Variants in ANO1 observed in about 807,000 individuals in gnomAD.
The protein encoded by ANO1 is anoctamin-1.
In ANO1, 59 loss-of-function variants were observed where a neutral mutation model predicts 124.0. That is an observed-to-expected ratio of 0.48 (90% confidence interval 0.39 to 0.59). The LOEUF is 0.59. ANO1 is among the 20% of genes least tolerant of loss of function. The probability of loss-of-function intolerance (pLI) is 0.00; values close to 1 mark genes in which losing one functional copy is unlikely to be tolerated. For synonymous variants in ANO1, 529 were observed against 532.0 expected (o/e 0.99, Z 0.08); for missense variants, 1,059 against 1,328.0 (o/e 0.80, Z 3.15).
intron 16 of ANO1, among the ~76,000 whole-genome samples, chr11:70,158,354 C>T (rs1013279616): frequency 1.3e-5 from 2 of 152,196 alleles, no homozygotes; most frequent in East Asian, 1.9e-4. Context: ...TTGAAGGCAG[C>T]GCCTCCTGTG....
upstream of ANO1, among the ~76,000 whole-genome samples, chr11:69,985,679 T>C (rs954895401): frequency 2.6e-5 from 4 of 152,196 alleles, no homozygotes; most frequent in South Asian, 6.2e-4. Flanking sequence ...CCCCAACTGA[T>C]AAGACGGTCT....
At position 70,098,252 on chromosome 11, in the gene ANO1, G is replaced by A. The variant is rs558834327; in HGVS notation, c.442-4814G>A. ...CTGAGGAAGCTGCAAACAGGGAAACGGGGATTTGTCCAGGTGTTCTGTGGG... is the reference window on the plus strand; with the variant it reads ...CTGAGGAAGCTGCAAACAGGGAAACAGGGATTTGTCCAGGTGTTCTGTGGG... On this transcript the variant is annotated intron_variant, in intron 2 of 25. Transcript: ENST00000355303. Among the ~76,000 whole-genome samples, 6 of 152,354 alleles carry A rather than the reference G, an allele frequency of 3.9e-5. No homozygotes were observed. In the South Asian group the frequency reaches 6.2e-4, roughly 16 times the overall value.
chr11:70,105,120 C>T (rs914695828), intron 4 of ANO1, among the ~76,000 whole-genome samples: 2 of 152,086 alleles, frequency 1.3e-5, no homozygotes, highest in Admixed American at 6.5e-5. Context: ...ACTCTGTCAG[C>T]CCTGCTGCCT....
At chr11:70,050,707 A>C (rs1857338862) in intron 1 of ANO1, among the ~76,000 whole-genome samples, 1 of 152,164 alleles carries the variant, frequency 6.6e-6, no homozygotes, top group South Asian at 2.1e-4. Flanking sequence ...AGTTCCCCTC[A>C]GGAGTAGTTA....
chr11:70,057,434 T>TTGTGTGTGTG lies in ANO1; in HGVS notation c.59-21093_59-21084dup, dbSNP rs142366013. 3.0e-3 allele frequency among the ~76,000 whole-genome samples: 444 copies of TTGTGTGTGTG among 149,918 alleles called. 2 individuals carry two copies. Among genetic ancestry groups the TTGTGTGTGTG allele is most frequent in the East Asian group, 0.017 (85 of 5,066 alleles). On this transcript the variant is annotated intron_variant, in intron 1 of 27. Coordinates refer to the ANO1 transcript ENST00000531349. ...CCTTAGAGTACCCTGAACTCCAATT[T>TTGTGTGTGTG]TGTGTGTGTGTGTGTGTGTGTGTGA...
chr11:70,021,702 A>G (rs4980580), intron 1 of ANO1, among the ~76,000 whole-genome samples: 117,072 of 151,898 alleles, frequency 0.77, 45,441 homozygotes, highest in East Asian at 0.94. Context: ...GTTAAACATC[A>G]GCCCAAGGCT....
intron 7 of ANO1, among the ~76,000 whole-genome samples, chr11:70,112,992 G>GTCA (rs1018985543): frequency 2.0e-5 from 3 of 152,148 alleles, no homozygotes; most frequent in Admixed American, 6.5e-5. Context: ...TCTGCTGCCC[G>GTCA]TCACCTCGTC....
chr11:69,996,836 A>C (rs1220002690), intron 1 of ANO1, among the ~76,000 whole-genome samples: 2 of 152,220 alleles, frequency 1.3e-5, no homozygotes, highest in Non-Finnish European at 2.9e-5. Flanking sequence ...CAGATCTAGC[A>C]CCTAAGTGTT....
the ANO1 span, among the ~76,000 whole-genome samples, chr11:69,976,553 AAG>A: frequency 0.021 from 1,832 of 85,926 alleles, 115 homozygotes; most frequent in African/African-American, 0.032. Context: ...AAAAAAAAAA[AAG>A]AGAGAGAGAG....
chr11:70,177,917 T>G (rs1422826970), intron 22 of ANO1, among the ~76,000 whole-genome samples: 1 of 152,130 alleles, frequency 6.6e-6, no homozygotes, highest in East Asian at 1.9e-4. Flanking sequence ...TTAAAATACA[T>G]TTTCCTGGTT....
intron 1 of ANO1, among the ~76,000 whole-genome samples, chr11:69,993,942 A>G (rs1412845702): frequency 6.6e-6 from 1 of 152,102 alleles, no homozygotes; most frequent in Non-Finnish European, 1.5e-5. Flanking sequence ...TCCCTCTGCA[A>G]TGCGGCACAG....
At chr11:70,016,084 G>A (rs1856698293) in intron 1 of ANO1, among the ~76,000 whole-genome samples, 1 of 151,232 alleles carries the variant, frequency 6.6e-6, no homozygotes, top group Admixed American at 6.6e-5. Flanking sequence ...CTGGAGTGCA[G>A]TGGTGCAATC....
At chr11:69,979,646 T>C in the ANO1 span, among the ~76,000 whole-genome samples, 1 of 152,114 alleles carries the variant, frequency 6.6e-6, no homozygotes, top group Non-Finnish European at 1.5e-5. Flanking sequence ...CAGGGTCAGC[T>C]CACAAAGCCT....
chr11:70,159,822 C>T (rs1296998811), intron 16 of ANO1, among the ~76,000 whole-genome samples: 6 of 152,198 alleles, frequency 3.9e-5, no homozygotes, highest in Non-Finnish European at 5.9e-5. Flanking sequence ...GAGGGGTTTT[C>T]CAAGGAAAGC....
chr11:70,148,164 A>G (rs2047454268), intron 11 of ANO1, among the ~76,000 whole-genome samples: 1 of 151,944 alleles, frequency 6.6e-6, no homozygotes, highest in African/African-American at 2.4e-5. Context: ...TAAGGGCCAC[A>G]TTTGTGAATT....
At chr11:70,163,761 A>T (rs1377328204) in intron 19 of ANO1, among the ~76,000 whole-genome samples, 2 of 151,894 alleles carry the variant, frequency 1.3e-5, no homozygotes, top group African/African-American at 4.8e-5. Context: ...ACATGGTGAA[A>T]CCCCATCTCT....
At chr11:70,135,899 C>T (rs2046939218) in intron 11 of ANO1, among the ~76,000 whole-genome samples, 1 of 152,248 alleles carries the variant, frequency 6.6e-6, no homozygotes, top group Admixed American at 6.5e-5. Flanking sequence ...ATTCTGGTCA[C>T]TGCAAATTCC....
intron 1 of ANO1, among the ~76,000 whole-genome samples, chr11:70,013,326 A>G (rs782580868): frequency 3.9e-5 from 6 of 152,234 alleles, no homozygotes; most frequent in Non-Finnish European, 5.9e-5. Flanking sequence ...ACTTGATCTT[A>G]AGAGAAGACA....
intron 2 of ANO1, among the ~76,000 whole-genome samples, chr11:70,095,195 G>T (rs2135283012): frequency 7.6e-6 from 1 of 131,066 alleles, no homozygotes; most frequent in Admixed American, 8.6e-5. Flanking sequence ...GACAAAATGA[G>T]ACTGTCTCAA....
Sources: gnomAD v4.1 joint callset for allele counts (sites outside exome capture counted in the v4.1 genomes callset) on GRCh38, gnomAD v4.1.1 for gene constraint, MANE v1.5 for transcripts, NCBI Gene and HGNC (gene_info 2026-07-23, HGNC 2026-07-21) for gene names.